The following KDM2B variants were observed in gnomAD, a reference collection of about 807,000 sequenced individuals.
KDM2B encodes the protein lysine demethylase 2B.
KDM2B carries 26 observed loss-of-function variants against 150.0 expected under a neutral mutation model. That is an observed-to-expected ratio of 0.17 (90% CI 0.13 to 0.24). KDM2B has a LOEUF of 0.24. KDM2B is among the 10% of genes least tolerant of loss of function. KDM2B has a pLI of 1.00. For synonymous variants in KDM2B, 734 were observed against 729.5 expected, an observed-to-expected ratio of 1.01 and a Z score of -0.10; for missense variants, 1,265 against 1,816.9, an observed-to-expected ratio of 0.70 and a Z score of 5.52.
At chr12:121,419,189 A>G in the KDM2B span, among the ~76,000 whole-genome samples, 1 of 152,350 alleles carries the variant, frequency 6.6e-6, no homozygotes, top group Admixed American at 6.5e-5. Context: ...ATATGTTTAG[A>G]TACACAAATA....
At chr12:121,519,757 A>G (rs376068410) in intron 9 of KDM2B, among the ~76,000 whole-genome samples, 9 of 152,304 alleles carry the variant, frequency 5.9e-5, no homozygotes, top group African/African-American at 2.2e-4. Flanking sequence ...GTATACTTTG[A>G]ATGGTAAATT....
chr12:121,428,357 T>C (rs1872616015), downstream of KDM2B, among the ~76,000 whole-genome samples: 1 of 152,198 alleles, frequency 6.6e-6, no homozygotes, highest in Non-Finnish European at 1.5e-5. Flanking sequence ...CACTCCTGGC[T>C]AATTTTTGTA....
chr12:121,427,158 T>C (rs571056239), downstream of KDM2B, among the ~76,000 whole-genome samples: 2 of 152,304 alleles, frequency 1.3e-5, no homozygotes, highest in Non-Finnish European at 2.9e-5. Context: ...TATGGTCCTT[T>C]CATTACTTCA....
chr12:121,516,362 G>A (rs2141067025), intron 9 of KDM2B: 1 of 622,910 alleles, frequency 1.6e-6, no homozygotes, highest in South Asian at 1.7e-5. Context: ...GAAACCAGCT[G>A]GGTGAAAACA....
intron 8 of KDM2B, among the ~76,000 whole-genome samples, chr12:121,530,126 G>A (rs760359007): frequency 2.0e-4 from 30 of 150,506 alleles, no homozygotes; most frequent in Non-Finnish European, 4.3e-4. Flanking sequence ...TATTCGGGAA[G>A]CTGAGGCAGG....
At chr12:121,497,134 C>A (rs1430412423) in intron 11 of KDM2B, among the ~76,000 whole-genome samples, 1 of 151,960 alleles carries the variant, frequency 6.6e-6, no homozygotes, top group Non-Finnish European at 1.5e-5. Flanking sequence ...AGAACTGGCT[C>A]CAGGGGTTTA....
intron 22 of KDM2B, among the ~76,000 whole-genome samples, chr12:121,437,915 A>G (rs1400042396): frequency 6.6e-6 from 1 of 151,866 alleles, no homozygotes; most frequent in African/African-American, 2.4e-5. Context: ...AAAATCTAGA[A>G]GAGTTTAGGT....
chr12:121,567,233 A>G (rs1555315146), intron 4 of KDM2B, among the ~76,000 whole-genome samples: 1 of 152,248 alleles, frequency 6.6e-6, no homozygotes, highest in Non-Finnish European at 1.5e-5. Flanking sequence ...CAGAATATAT[A>G]AAAAAGTCTT....
chr12:121,501,164 C>T (rs1167968134), intron 11 of KDM2B, among the ~76,000 whole-genome samples: 1 of 152,000 alleles, frequency 6.6e-6, no homozygotes, highest in Non-Finnish European at 1.5e-5. Context: ...AACCCAATGT[C>T]AAGTGTCTTT....
chr12:121,569,155 A>C (rs1458529607), intron 4 of KDM2B, among the ~76,000 whole-genome samples: 4 of 152,350 alleles, frequency 2.6e-5, no homozygotes, highest in South Asian at 2.1e-4. Flanking sequence ...CACGTCTGTT[A>C]GGGCTGTGTT....
intron 12 of KDM2B, among the ~76,000 whole-genome samples, chr12:121,491,084 A>C (rs1193548419): frequency 2.6e-5 from 4 of 152,020 alleles, no homozygotes; most frequent in Admixed American, 6.6e-5. Flanking sequence ...TTAACTTTTT[A>C]ACCCCACCAG....
Position 121,467,295 on chromosome 12 carries a change from CGCCCTGGCTCGG to C in KDM2B, c.1735-13963_1735-13952del. On this transcript the variant is annotated intron_variant, in intron 12 of 22. Coordinates refer to ENST00000377071, the MANE Select transcript of KDM2B (RefSeq NM_032590.5). The surrounding 1 kb of genome is among the most constrained non-coding windows in gnomAD (Gnocchi z 5.1). Reference sequence around the variant, plus strand: ...CCGCCCGCCCGGAGCAGGCTCGGCTCGCCCTGGCTCGGGCTCGGGCTCGGGCTCGGGCTCCCG... The same window carrying C: ...CCGCCCGCCCGGAGCAGGCTCGGCTCGCTCGGGCTCGGGCTCGGGCTCCCG... The C allele has an allele frequency of 1.0e-6, 1 of 983,962 alleles. No individual in the cohort carries two copies. The highest frequency in any genetic ancestry group is 1.2e-6 in the Non-Finnish European group (1 of 829,858). 61.0% of individuals were successfully genotyped at this position (983,962 alleles called of 1,614,324 possible). A position where few individuals can be genotyped will look rare whatever the true frequency, so the allele number is the denominator to read the frequency against.
intron 22 of KDM2B, among the ~76,000 whole-genome samples, chr12:121,434,695 T>C (rs2137609054): frequency 6.6e-6 from 1 of 151,616 alleles, no homozygotes; most frequent in East Asian, 2.0e-4. Context: ...TGATGGCTCA[T>C]GCCTGTAATC....
At chr12:121,440,131 A>T (rs1874728948) in intron 21 of KDM2B, 56 bp from the exon 22 acceptor site, 1 of 1,358,340 alleles carries the variant, frequency 7.4e-7, no homozygotes. Flanking sequence ...AGGCCTGGTC[A>T]TGCTGACATG....
the KDM2B span, among the ~76,000 whole-genome samples, chr12:121,413,428 T>TTTTTTTTTTC: frequency 6.7e-6 from 1 of 148,922 alleles, no homozygotes; most frequent in South Asian, 2.1e-4. Context: ...TTTTTTTTTT[T>TTTTTTTTTTC]TGAGACGGAG....
chr12:121,475,182 CTGTGTGTGTGTGTGTGTGTGTG>C (rs60083867), intron 12 of KDM2B, among the ~76,000 whole-genome samples: 3 of 139,662 alleles, frequency 2.1e-5, no homozygotes, highest in South Asian at 2.4e-4. Context: ...ACACATGACT[CTGTGTGTGTGTGTGTGTGTGTG>C]TGTGTGTGTG....
At chr12:121,526,314 T>C (rs1555306782) in intron 8 of KDM2B, among the ~76,000 whole-genome samples, 1 of 152,012 alleles carries the variant, frequency 6.6e-6, no homozygotes, top group African/African-American at 2.4e-5. Context: ...TATTGTGCCA[T>C]TGCCCTCCAG....
rs114432323 is a variant in KDM2B, at chr12:121,450,000, C to G, written c.1959+3120G>C. Among the ~76,000 whole-genome samples, 1,264 of 152,274 alleles carry G rather than the reference C, an allele frequency of 8.3e-3. 21 individuals are homozygous for G. The highest frequency in any genetic ancestry group is 0.028 in the African/African-American group (1,169 of 41,542). Reference sequence around the variant, plus strand: ...TATCCAAAACATATCTAGAACTCCTCTAACTCAGCAACAAAAACCCCCAAA... The same window carrying G: ...TATCCAAAACATATCTAGAACTCCTGTAACTCAGCAACAAAAACCCCCAAA... On this transcript the variant is annotated intron_variant, in intron 13 of 22. Coordinates refer to ENST00000377071, the MANE Select transcript of KDM2B (RefSeq NM_032590.5).
chr12:121,527,394 C>T (rs1236379518), intron 8 of KDM2B, among the ~76,000 whole-genome samples: 1 of 137,934 alleles, frequency 7.2e-6, no homozygotes, highest in Admixed American at 7.2e-5. Context: ...GGCACGGTGG[C>T]TCACACCTGT....
Sources: gnomAD v4.1 joint callset for allele counts (sites outside exome capture counted in the v4.1 genomes callset) on GRCh38, gnomAD v4.1.1 for gene constraint, Gnocchi (gnomAD v3.1) non-coding constraint, MANE v1.5 for transcripts, NCBI Gene and HGNC (gene_info 2026-07-23, HGNC 2026-07-21) for gene names.